Variants in SLC20A2 observed in about 807,000 individuals in gnomAD.
The protein encoded by SLC20A2 is solute carrier family 20 member 2, also known as sodium-dependent phosphate transporter 2.
SLC20A2 carries 30 observed loss-of-function variants against 61.0 expected under a neutral mutation model. That is an observed-to-expected ratio of 0.49 (90% CI 0.37 to 0.67). The LOEUF (loss-of-function observed/expected upper bound fraction) is 0.67, where lower values mean the gene tolerates loss of function less well. SLC20A2 is among the 30% of genes least tolerant of loss of function. The pLI, the probability that SLC20A2 is intolerant of heterozygous loss-of-function variation, is 0.00. For synonymous variants in SLC20A2, 351 were observed against 353.3 expected (o/e 0.99, Z 0.07); for missense variants, 626 against 866.4 (o/e 0.72, Z 3.48).
At chr8:42,466,060 G>T in intron 2 of SLC20A2, 143 bp from the exon 3 acceptor site, 1 of 718,258 alleles carries the variant, frequency 1.4e-6, no homozygotes, top group Non-Finnish European at 2.2e-6. Flanking sequence ...GCTACAGCCT[G>T]GACAAAAATC....
chr8:42,508,772 A>C (rs1810869288), intron 1 of SLC20A2, among the ~76,000 whole-genome samples: 2 of 152,188 alleles, frequency 1.3e-5, no homozygotes, highest in Admixed American at 1.3e-4. Flanking sequence ...GAAGCAACAC[A>C]CAAGCAAAGA....
chr8:42,484,920 C>CA, intron 1 of SLC20A2: 2 of 414,334 alleles, frequency 4.8e-6, no homozygotes, highest in Admixed American at 2.6e-5. Flanking sequence ...AGCAGCAGCA[C>CA]AAAAAGGCCT....
At chr8:42,514,045 C>T (rs1186839265) in intron 1 of SLC20A2, among the ~76,000 whole-genome samples, 1 of 152,184 alleles carries the variant, frequency 6.6e-6, no homozygotes, top group African/African-American at 2.4e-5. Flanking sequence ...GGCCTACAAG[C>T]ACCATGCTAA....
Position 42,439,525 on chromosome 8 carries a change from G to A in SLC20A2, c.859C>T (p.Leu287Phe), listed in dbSNP as rs1189799046. 1.2e-6 allele frequency: 2 copies of A among 1,614,236 alleles called. No homozygotes were observed. The highest frequency in any genetic ancestry group is 1.7e-6 in the Non-Finnish European group (2 of 1,180,044). ...AGTGTCTCCCCTGCTGCTCCCGTGA[G>A]CGGGATGGTGCTGTCATCATTAGCC... ...AKANDDSTIP[L>F]TGAAGETLGT... is the part of the protein sequence containing the mutation. Residue 287 changes from leucine to phenylalanine, a missense_variant, in exon 7 of 11, where the codon CTC (leucine) becomes TTC (phenylalanine). Leu to Phe is a conservative substitution (Grantham distance 22). This residue lies in a region of SLC20A2 where 361 missense variants were observed against 422.3 expected (regional missense o/e 0.85). Transcript: ENST00000520262.
intron 9 of SLC20A2, among the ~76,000 whole-genome samples, chr8:42,429,181 T>C (rs1176466612): frequency 1.3e-5 from 2 of 152,216 alleles, no homozygotes; most frequent in African/African-American, 4.8e-5. Flanking sequence ...ATTTTAAAAA[T>C]GTGCACTAAT....
In SLC20A2 at chr8:42,479,452, T is replaced by C. The variant is rs182164789; in HGVS notation, c.-264-6798A>G. Among the ~76,000 whole-genome samples, 6 of 152,220 alleles carry C rather than the reference T, an allele frequency of 3.9e-5. No homozygotes were observed. In the East Asian group the frequency reaches 1.2e-3, roughly 29 times the overall value. On this transcript the variant is annotated intron_variant, in intron 1 of 10. Coordinates refer to ENST00000520262, the MANE Select transcript of SLC20A2 (RefSeq NM_001257180.2). ...TTATGTTATCTGTGATGAAAGTTTC[T>C]GTAATGGTATCTACCTAAGTACAGT...
At position 42,438,081 on chromosome 8, in the gene SLC20A2, A is replaced by AC. The variant is rs1563455900; in HGVS notation, c.935-505_935-504insG. On this transcript the variant is annotated intron_variant, in intron 7 of 10. Transcript: ENST00000520262. ...AAAAAACCAAAAAAAAAAAAAAAAA[A>AC]AAAAAAAACATGGAAACATACAACA... 9.3e-5 allele frequency among the ~76,000 whole-genome samples: 14 copies of AC among 149,926 alleles called. 2 individuals carry two copies. The highest frequency in any genetic ancestry group is 1.8e-4 in the Non-Finnish European group (12 of 67,310).
rs189542997 is a variant in SLC20A2, at chr8:42,477,494, C to G, written c.-264-4840G>C. 2.9e-3 allele frequency among the ~76,000 whole-genome samples: 373 copies of G among 127,022 alleles called. 3 individuals are homozygous for G. Among genetic ancestry groups the G allele is most frequent in the African/African-American group, 0.011 (352 of 32,968 alleles). 83.3% of individuals were successfully genotyped at this position (127,022 alleles called of 152,430 possible). The stretch of plus-strand genomic sequence containing the variant: ...TTTTTTTTTTTTTTTTTTTTGAGAC[C>G]GAGTCTTGCTCTGTAGCCCAGGCTG... On this transcript the variant is annotated intron_variant, in intron 1 of 10. Transcript: ENST00000520262.
intron 1 of SLC20A2, among the ~76,000 whole-genome samples, chr8:42,496,046 G>A (rs564162448): frequency 3.9e-5 from 6 of 152,144 alleles, no homozygotes; most frequent in African/African-American, 9.7e-5. Flanking sequence ...CACCACACCC[G>A]GCCAGATCCC....
At chr8:42,525,642 C>A (rs544215635) in intron 1 of SLC20A2, among the ~76,000 whole-genome samples, 2 of 148,788 alleles carry the variant, frequency 1.3e-5, no homozygotes, top group South Asian at 4.3e-4. Flanking sequence ...AATACATGAT[C>A]GACAATTTTC....
chr8:42,466,088 T>A (rs1215593648), intron 2 of SLC20A2, among the ~76,000 whole-genome samples, 171 bp from the exon 3 acceptor site: 1 of 152,256 alleles, frequency 6.6e-6, no homozygotes, highest in East Asian at 1.9e-4. Context: ...TAACTTCAGT[T>A]AAAGGAAAGC....
chr8:42,435,856 C>T (rs1415784603), intron 8 of SLC20A2, among the ~76,000 whole-genome samples: 1 of 152,138 alleles, frequency 6.6e-6, no homozygotes, highest in Non-Finnish European at 1.5e-5. Context: ...GTGGCTCACA[C>T]CTGTAATTCC....
chr8:42,453,048 G>A (rs925859042), intron 5 of SLC20A2, among the ~76,000 whole-genome samples: 3 of 152,238 alleles, frequency 2.0e-5, no homozygotes, highest in African/African-American at 4.8e-5. Context: ...GCTGGGCCTC[G>A]GAATCTGCAT....
intron 10 of SLC20A2, among the ~76,000 whole-genome samples, chr8:42,425,638 T>C (rs1376701844): frequency 1.3e-5 from 2 of 152,188 alleles, no homozygotes; most frequent in African/African-American, 4.8e-5. Flanking sequence ...CAAATCCAAG[T>C]TGTGACCTGT....
chr8:42,499,812 T>C (rs1311683944), intron 1 of SLC20A2, among the ~76,000 whole-genome samples: 1 of 152,220 alleles, frequency 6.6e-6, no homozygotes, highest in Admixed American at 6.5e-5. Context: ...CTGTTATCAT[T>C]ATAATTCATC....
In SLC20A2 at chr8:42,437,219, G is replaced by A; in HGVS notation, c.1293C>T (p.Asp431=). 1.9e-6 allele frequency: 3 copies of A among 1,613,792 alleles called. No individual in the cohort carries two copies. Among genetic ancestry groups the A allele is most frequent in the South Asian group, 1.1e-5 (1 of 91,086 alleles). ...CCGCGTTACAGTAGCTCGAGTAGCT[G>A]TCGTAGCGCAGCCTCTTCTTGGAGT... ...VSYSKKRLRY[D]SYSSYCNAVA... Residue 431 remains aspartate, a synonymous_variant, in exon 8 of 11, where the codon GAC becomes GAT. Transcript: ENST00000520262. The surrounding 1 kb of genome is among the most constrained non-coding windows in gnomAD (Gnocchi z 6.4).
rs117120690 is a variant in SLC20A2 at position 42,427,829 on chromosome 8, G to A, written c.1794+929C>T. On this transcript the variant is annotated intron_variant, in intron 10 of 10. Coordinates refer to ENST00000520262, the MANE Select transcript of SLC20A2 (RefSeq NM_001257180.2). The stretch of plus-strand genomic sequence containing the variant: ...ATTGTGAGTAAATAGAAACGTGGGT[G>A]GCTGTGTCTGTTTTGAGGGCTCATA... Among the ~76,000 whole-genome samples, 865 of 152,254 alleles carry A rather than the reference G, an allele frequency of 5.7e-3. 5 individuals are homozygous for A. The highest frequency in any genetic ancestry group is 0.014 in the Middle Eastern group (4 of 294).
At chr8:42,455,257 T>TACAG (rs1357416749) in intron 5 of SLC20A2, among the ~76,000 whole-genome samples, 1 of 81,622 alleles carries the variant, frequency 1.2e-5, no homozygotes. Context: ...TATATATATA[T>TACAG]AGAGAGAGAG....
chr8:42,451,787 TGAA>T (rs555219004), intron 5 of SLC20A2, among the ~76,000 whole-genome samples: 101 of 76,598 alleles, frequency 1.3e-3, no homozygotes, highest in African/African-American at 5.1e-3. Flanking sequence ...GAGGAAGAGA[TGAA>T]GAGGAGGAGG....
Sources: allele counts gnomAD v4.1 joint callset (sites outside exome capture counted in the v4.1 genomes callset), GRCh38; gene constraint gnomAD v4.1.1; regional missense constraint gnomAD v4.1.1; non-coding constraint Gnocchi (gnomAD v3.1); transcripts MANE v1.5; gene names NCBI Gene and HGNC (gene_info 2026-07-23, HGNC 2026-07-21).